CERS6: variants seen among roughly 807,000 people sequenced by gnomAD.
CERS6 encodes the protein ceramide synthase 6.
CERS6 carries 26 observed loss-of-function variants against 56.8 expected under a neutral mutation model. That is an observed-to-expected ratio of 0.46 (90% CI 0.34 to 0.63). CERS6 has a LOEUF of 0.63. CERS6 is among the 30% of genes least tolerant of loss of function. The probability of loss-of-function intolerance (pLI) is 0.01; values close to 1 mark genes in which losing one functional copy is unlikely to be tolerated. For synonymous variants in CERS6, 164 were observed against 173.3 expected (o/e 0.95, Z 0.42); for missense variants, 415 against 467.5 (o/e 0.89, Z 1.04).
Position 168,686,713 on chromosome 2 carries a change from T to G in CERS6, c.466-4321T>G, listed in dbSNP as rs568303617. Among the ~76,000 whole-genome samples, 24 of 152,250 alleles carry G rather than the reference T, an allele frequency of 1.6e-4. No homozygotes were observed. The South Asian group carries it at 4.1e-3, about 26-fold the overall frequency. ...CCAGAGTACCCAGCGGAAGGCACAG[T>G]GGAAGAGCCCAGCTGGCCTAGGTTT... On this transcript the variant is annotated intron_variant, in intron 4 of 9. Coordinates refer to ENST00000305747, the MANE Select transcript of CERS6 (RefSeq NM_203463.3).
intron 1 of CERS6, among the ~76,000 whole-genome samples, chr2:168,483,230 A>G (rs1694209445): frequency 6.6e-6 from 1 of 152,054 alleles, no homozygotes; most frequent in Admixed American, 6.5e-5. Flanking sequence ...TTTTTTATAG[A>G]TGTGGAGATT....
chr2:168,496,140 G>A (rs1001668908), intron 1 of CERS6, among the ~76,000 whole-genome samples: 23 of 152,166 alleles, frequency 1.5e-4, no homozygotes, highest in African/African-American at 5.5e-4. Context: ...TGTGCCACAT[G>A]CTATATATCA....
intron 8 of CERS6, among the ~76,000 whole-genome samples, chr2:168,735,831 G>A (rs1427786466): frequency 7.3e-6 from 1 of 136,168 alleles, no homozygotes; most frequent in East Asian, 2.3e-4. Flanking sequence ...GCAGTGAGCT[G>A]TAATTGTGCT....
At chr2:168,737,540 AC>A (rs1381799400) in intron 8 of CERS6, among the ~76,000 whole-genome samples, 1 of 152,246 alleles carries the variant, frequency 6.6e-6, no homozygotes, top group Non-Finnish European at 1.5e-5. Flanking sequence ...GTTCTGATAC[AC>A]ATTTGAAATC....
intron 5 of CERS6, 56 bp from the exon 6 acceptor site, chr2:168,694,903 A>G: frequency 7.4e-7 from 1 of 1,352,640 alleles, no homozygotes; most frequent in Non-Finnish European, 1.1e-6. Flanking sequence ...TGTCTGGGAT[A>G]CAAATTGGGT....
At chr2:168,585,813 A>G (rs1683527317) in intron 3 of CERS6, among the ~76,000 whole-genome samples, 1 of 152,168 alleles carries the variant, frequency 6.6e-6, no homozygotes, top group Admixed American at 6.6e-5. Context: ...TCCTTCACAA[A>G]TCTTGGGCCA....
intron 1 of CERS6, among the ~76,000 whole-genome samples, chr2:168,515,527 G>T (rs1694870214): frequency 6.6e-6 from 1 of 152,188 alleles, no homozygotes; most frequent in Non-Finnish European, 1.5e-5. Flanking sequence ...ACCACTTTAA[G>T]TTCATTGCTA....
chr2:168,491,503 T>C (rs572154276), intron 1 of CERS6, among the ~76,000 whole-genome samples: 3 of 152,234 alleles, frequency 2.0e-5, no homozygotes, highest in South Asian at 4.1e-4. Flanking sequence ...TTTTCAATAA[T>C]GAAAGTGATA....
At chr2:168,636,395 T>A (rs989574331) in intron 4 of CERS6, among the ~76,000 whole-genome samples, 2 of 152,192 alleles carry the variant, frequency 1.3e-5, no homozygotes, top group African/African-American at 4.8e-5. Context: ...AAAAGTCACA[T>A]CAGTATAGAA....
At chr2:168,629,962 G>A (rs1410616547) in intron 3 of CERS6, among the ~76,000 whole-genome samples, 2 of 151,084 alleles carry the variant, frequency 1.3e-5, no homozygotes, top group African/African-American at 4.9e-5. Flanking sequence ...GACTATAGAC[G>A]CCCGCCACTA....
At chr2:168,748,992 C>G (rs1684185131) in intron 8 of CERS6, among the ~76,000 whole-genome samples, 1 of 150,528 alleles carries the variant, frequency 6.6e-6, no homozygotes, top group African/African-American at 2.5e-5. Context: ...TCCCTTCCTC[C>G]CCCTCTGTCT....
intron 5 of CERS6, 116 bp downstream of exon 5, chr2:168,691,200 C>A: frequency 1.2e-6 from 1 of 842,746 alleles, no homozygotes; most frequent in Non-Finnish European, 2.0e-6. Context: ...TTTGGCCCCA[C>A]TCCCGCTGAT....
intron 3 of CERS6, among the ~76,000 whole-genome samples, chr2:168,578,031 CA>C (rs1683320508): frequency 6.6e-6 from 1 of 152,090 alleles, no homozygotes; most frequent in South Asian, 2.1e-4. Flanking sequence ...GGAAACTTCA[CA>C]GTGTGATGAA....
At chr2:168,548,412 T>C (rs1297301534) in intron 2 of CERS6, among the ~76,000 whole-genome samples, 1 of 152,190 alleles carries the variant, frequency 6.6e-6, no homozygotes, top group Non-Finnish European at 1.5e-5. Context: ...AGGAGAAAGC[T>C]GGAAGTCAGA....
chr2:168,535,966 C>T (rs530448891), intron 1 of CERS6, among the ~76,000 whole-genome samples: 1 of 151,880 alleles, frequency 6.6e-6, no homozygotes, highest in South Asian at 2.1e-4. Flanking sequence ...TACTTAACGT[C>T]TTTTGCCCAT....
chr2:168,598,621 A>G (rs1173455284), intron 3 of CERS6, among the ~76,000 whole-genome samples: 1 of 152,174 alleles, frequency 6.6e-6, no homozygotes, highest in East Asian at 1.9e-4. Context: ...ATCTAATAAA[A>G]CTACAGGATT....
intron 4 of CERS6, among the ~76,000 whole-genome samples, chr2:168,676,449 A>G (rs1014909130): frequency 6.6e-6 from 1 of 152,196 alleles, no homozygotes; most frequent in Non-Finnish European, 1.5e-5. Flanking sequence ...GTTTTTATTG[A>G]TCCCCTCAGA....
At chr2:168,722,024 T>C (rs1039054602) in intron 8 of CERS6, among the ~76,000 whole-genome samples, 2 of 152,226 alleles carry the variant, frequency 1.3e-5, no homozygotes, top group Non-Finnish European at 2.9e-5. Flanking sequence ...ATTTTTCATA[T>C]TGTATTCATT....
intron 4 of CERS6, among the ~76,000 whole-genome samples, chr2:168,640,394 A>T (rs1189591209): frequency 6.6e-6 from 1 of 152,188 alleles, no homozygotes; most frequent in Non-Finnish European, 1.5e-5. Context: ...ATTTCCAAAG[A>T]GCTTCTGTTC....
Sources: gnomAD v4.1 joint callset for allele counts (sites outside exome capture counted in the v4.1 genomes callset) on GRCh38, gnomAD v4.1.1 for gene constraint, MANE v1.5 for transcripts, NCBI Gene and HGNC (gene_info 2026-07-23, HGNC 2026-07-21) for gene names.